OPCML: variants seen among roughly 807,000 people sequenced by gnomAD.
OPCML encodes the protein opioid-binding protein/cell adhesion molecule.
In OPCML, 13 loss-of-function variants were observed where a neutral mutation model predicts 37.8. The observed-to-expected ratio is 0.34, with a 90% CI of 0.22 to 0.55. The LOEUF (loss-of-function observed/expected upper bound fraction) is 0.55, where lower values mean the gene tolerates loss of function less well. OPCML is among the 20% of genes least tolerant of loss of function. The pLI is 0.91. For missense variants in OPCML, 341 were observed against 435.6 expected (o/e 0.78, Z 1.93); for synonymous variants, 176 against 168.8 (o/e 1.04, Z -0.33).
chr11:133,420,979 G>GA (rs918601847), intron 1 of OPCML: 40 of 985,002 alleles, frequency 4.1e-5, no homozygotes, highest in East Asian at 1.1e-4. Flanking sequence ...GCATGGCTGG[G>GA]AAAAAAAGCT....
chr11:132,518,770 T>C (rs1363414302), intron 4 of OPCML, among the ~76,000 whole-genome samples: 2 of 152,150 alleles, frequency 1.3e-5, no homozygotes, highest in Admixed American at 1.3e-4. Context: ...TCTCTCCCAC[T>C]AGACCATAGG....
At chr11:132,869,962 T>C (rs1164873378) in intron 2 of OPCML, among the ~76,000 whole-genome samples, 1 of 152,228 alleles carries the variant, frequency 6.6e-6, no homozygotes, top group Non-Finnish European at 1.5e-5. Flanking sequence ...AAACATCATC[T>C]ATTTAAATGA....
At chr11:132,443,453 A>ATC (rs2096043571) in intron 4 of OPCML, among the ~76,000 whole-genome samples, 4 of 152,138 alleles carry the variant, frequency 2.6e-5, no homozygotes, top group Admixed American at 1.3e-4. Context: ...CCAGCAAGAG[A>ATC]GACTATTACA....
In OPCML at chr11:133,424,770, A is replaced by T. The variant is rs1412991419; in HGVS notation, c.61+107494T>A. On this transcript the variant is annotated intron_variant, in intron 1 of 7. Coordinates refer to ENST00000524381, the MANE Select transcript of OPCML (RefSeq NM_001012393.5). ...AAGATTATTTTGAGGTCTTTAATACATATTGCCAAATGAATGATAAGCTTA... is the reference window on the plus strand; with the variant it reads ...AAGATTATTTTGAGGTCTTTAATACTTATTGCCAAATGAATGATAAGCTTA... 5.9e-5 allele frequency among the ~76,000 whole-genome samples: 9 copies of T among 152,234 alleles called. No individual in the cohort carries two copies. The South Asian group carries it at 1.0e-3, about 17-fold the overall frequency.
rs560063292 is a variant in OPCML, at chr11:133,507,492, G to A, written c.61+24772C>T. 2.6e-5 allele frequency among the ~76,000 whole-genome samples: 4 copies of A among 152,326 alleles called. No individual in the cohort carries two copies. In the South Asian group the frequency reaches 6.2e-4, roughly 24 times the overall value. Reference sequence around the variant, plus strand: ...GCCACACAGCCAGTGATGCTTGCAAGAACAGAGTTGAGGGGAGCTGATTCC... The same window carrying A: ...GCCACACAGCCAGTGATGCTTGCAAAAACAGAGTTGAGGGGAGCTGATTCC... On this transcript the variant is annotated intron_variant, in intron 1 of 7. Coordinates refer to ENST00000524381, the MANE Select transcript of OPCML (RefSeq NM_001012393.5).
chr11:132,512,419 C>T (rs867615158), intron 4 of OPCML, among the ~76,000 whole-genome samples: 6 of 152,058 alleles, frequency 3.9e-5, no homozygotes, highest in Admixed American at 6.6e-5. Context: ...TTTATAGCAG[C>T]TTTACTCATA....
chr11:132,992,072 C>CTATTGTATTG (rs1425154726), intron 1 of OPCML, among the ~76,000 whole-genome samples: 5 of 151,884 alleles, frequency 3.3e-5, no homozygotes, highest in African/African-American at 1.2e-4. Flanking sequence ...TATGATGAAG[C>CTATTGTATTG]CATTGTATTG....
intron 2 of OPCML, among the ~76,000 whole-genome samples, chr11:132,693,291 AC>A (rs1458729362): frequency 2.6e-5 from 4 of 151,700 alleles, no homozygotes; most frequent in Non-Finnish European, 5.9e-5. Flanking sequence ...ACCTCATAAA[AC>A]CCCCCTTCAG....
chr11:132,842,388 G>A (rs1941334555), intron 2 of OPCML, among the ~76,000 whole-genome samples: 1 of 152,208 alleles, frequency 6.6e-6, no homozygotes, highest in South Asian at 2.1e-4. Context: ...TTACTCAGCA[G>A]CTCTGGCCAC....
At chr11:132,962,020 T>C (rs1461948952) in intron 1 of OPCML, among the ~76,000 whole-genome samples, 3 of 152,336 alleles carry the variant, frequency 2.0e-5, no homozygotes, top group Admixed American at 1.3e-4. Flanking sequence ...CCTAGTTGAG[T>C]CCAGGACACT....
intron 3 of OPCML, among the ~76,000 whole-genome samples, chr11:132,651,243 C>G (rs1014249234): frequency 3.9e-5 from 6 of 152,086 alleles, no homozygotes; most frequent in Non-Finnish European, 7.3e-5. Flanking sequence ...GTAAATATAC[C>G]CGGTCTTGGG....
rs375819837 is a variant in OPCML, at chr11:132,441,237, G to A, written c.506-3878C>T. ...GGCTGGAGTGCAGTGGCGGGATCTC[G>A]GCTCACTGCAAGCTCCGCCTCCCGG... On this transcript the variant is annotated intron_variant, in intron 4 of 7. Transcript: ENST00000524381. Among the ~76,000 whole-genome samples the A allele has an allele frequency of 2.0e-4, 27 of 132,050 alleles. 1 individual carries two copies. The South Asian group carries it at 5.2e-3, about 26-fold the overall frequency. 86.6% of individuals were successfully genotyped at this position (132,050 alleles called of 152,430 possible).
intron 3 of OPCML, among the ~76,000 whole-genome samples, chr11:132,599,388 GGAGGAAGA>G (rs1225403077): frequency 1.6e-4 from 18 of 116,126 alleles, no homozygotes; most frequent in African/African-American, 7.0e-4. Flanking sequence ...GGAGGAAGAA[GGAGGAAGA>G]AGGAGGAAGA....
At chr11:133,063,412 G>A (rs948272731) in intron 1 of OPCML, among the ~76,000 whole-genome samples, 6 of 152,204 alleles carry the variant, frequency 3.9e-5, no homozygotes, top group Non-Finnish European at 7.3e-5. Flanking sequence ...GCCACATTTC[G>A]TGGGCTCTGC....
rs796660729 is a variant in OPCML, at chr11:133,191,493, CTGTGTGTGTGGG to C, written c.62-248495_62-248484del. Among the ~76,000 whole-genome samples, 360 of 119,712 alleles carry C rather than the reference CTGTGTGTGTGGG, an allele frequency of 3.0e-3. 1 individual carries two copies. Among genetic ancestry groups the C allele is most frequent in the Middle Eastern group, 0.014 (3 of 218 alleles). The allele number at this position is 119,712 out of a possible 152,430, so 78.5% of individuals were successfully genotyped here. A position where few individuals can be genotyped will look rare whatever the true frequency, so the allele number is the denominator to read the frequency against. ...AAGTATTTCTGTATCTTTTTCTTTTCTGTGTGTGTGGGTGTGTGTGTGTGTGTGTGTGTGTGT... is the reference window on the plus strand; with the variant it reads ...AAGTATTTCTGTATCTTTTTCTTTTCTGTGTGTGTGTGTGTGTGTGTGTGT... On this transcript the variant is annotated intron_variant, in intron 1 of 7. Transcript: ENST00000524381.
chr11:132,863,512 C>A (rs1942395803), intron 2 of OPCML, among the ~76,000 whole-genome samples: 1 of 151,500 alleles, frequency 6.6e-6, no homozygotes, highest in South Asian at 2.1e-4. Context: ...TTTCTGGAGC[C>A]CTCCTGTCTC....
At chr11:133,384,849 A>G (rs1945010229) in intron 1 of OPCML, among the ~76,000 whole-genome samples, 1 of 152,260 alleles carries the variant, frequency 6.6e-6, no homozygotes, top group African/African-American at 2.4e-5. Flanking sequence ...GATGATAGGC[A>G]GATGGCTGGA....
intron 1 of OPCML, among the ~76,000 whole-genome samples, chr11:133,104,304 A>G (rs1215735904): frequency 1.3e-5 from 2 of 152,178 alleles, no homozygotes. Context: ...ATTCCTCCCC[A>G]TCCCTTCATT....
intron 1 of OPCML, among the ~76,000 whole-genome samples, chr11:133,100,412 C>T (rs965879588): frequency 4.6e-5 from 7 of 152,128 alleles, no homozygotes; most frequent in African/African-American, 1.7e-4. Context: ...CAATCCCAAA[C>T]AAAATACCAG....
Sources: allele counts gnomAD v4.1 joint callset (sites outside exome capture counted in the v4.1 genomes callset), GRCh38; gene constraint gnomAD v4.1.1; transcripts MANE v1.5; gene names NCBI Gene and HGNC (gene_info 2026-07-23, HGNC 2026-07-21).